RRAGD: variants seen among roughly 807,000 people sequenced by gnomAD.
RRAGD encodes the protein Ras related GTP binding D.
RRAGD carries 12 observed loss-of-function variants against 35.5 expected under a neutral mutation model. That is an observed-to-expected ratio of 0.34 (90% CI 0.22 to 0.55). The LOEUF (loss-of-function observed/expected upper bound fraction) is 0.55. Among genes scored for constraint, RRAGD ranks in the 20% least tolerant of loss-of-function variants. The pLI is 0.91. For missense variants in RRAGD, 324 were observed against 490.1 expected (o/e 0.66, Z 3.20); for synonymous variants, 155 against 178.9 (o/e 0.87, Z 1.07).
intron 3 of RRAGD, 25 bp downstream of exon 3, chr6:89,380,143 A>G: frequency 6.2e-7 from 1 of 1,609,754 alleles, no homozygotes; most frequent in Non-Finnish European, 8.5e-7. Flanking sequence ...CTTTATTGGG[A>G]TCCTTAAGGG....
At chr6:89,373,617 C>CAAA (rs55767009) in intron 5 of RRAGD, among the ~76,000 whole-genome samples, 2 of 65,708 alleles carry the variant, frequency 3.0e-5, no homozygotes, top group Non-Finnish European at 3.7e-5. Flanking sequence ...GACTCCGTCT[C>CAAA]AAAAAAAAAA....
chr6:89,399,614 A>T (rs533858660), intron 1 of RRAGD, among the ~76,000 whole-genome samples: 10 of 152,208 alleles, frequency 6.6e-5, no homozygotes, highest in Admixed American at 2.0e-4. Context: ...TCTACTAAAA[A>T]TATATATTTT....
At position 89,396,728 on chromosome 6, in the gene RRAGD, A is replaced by ATT. The variant is rs1160973684; in HGVS notation, c.149-9140_149-9139dup. Among the ~76,000 whole-genome samples, 96 of 76,402 alleles carry ATT rather than the reference A, an allele frequency of 1.3e-3. 3 individuals are homozygous for ATT. The highest frequency in any genetic ancestry group is 2.6e-3 in the African/African-American group (35 of 13,218). 50.1% of individuals were successfully genotyped at this position (76,402 alleles called of 152,430 possible). ...GCTGCTGCACCCAACCAATGACCCA[A>ATT]TTTTTTTTTTTTTTTTTTTTTTTTT... On this transcript the variant is annotated intron_variant, in intron 1 of 6. Transcript: ENST00000369415.
chr6:89,373,148 T>C (rs1187508069), intron 5 of RRAGD, among the ~76,000 whole-genome samples: 1 of 152,164 alleles, frequency 6.6e-6, no homozygotes, highest in East Asian at 1.9e-4. Flanking sequence ...TCTCAAATGG[T>C]TCACTGAAAA....
At chr6:89,401,060 G>C (rs1218464137) in intron 1 of RRAGD, among the ~76,000 whole-genome samples, 1 of 152,146 alleles carries the variant, frequency 6.6e-6, no homozygotes, top group Non-Finnish European at 1.5e-5. Flanking sequence ...TACCATGCAC[G>C]GCCAGCTAGG....
rs1226083135 is a variant in RRAGD, at chr6:89,365,945, C to T, written c.*2111G>A. ...AAATATTAGAGAATTAGATTTATAACAATAACCCCTAAGTGTCAGGTCTGT... is the reference window on the plus strand; with the variant it reads ...AAATATTAGAGAATTAGATTTATAATAATAACCCCTAAGTGTCAGGTCTGT... On this transcript the variant is annotated 3_prime_UTR_variant, in exon 7 of 7. Coordinates refer to ENST00000369415, the MANE Select transcript of RRAGD (RefSeq NM_021244.5). 2 of 152,130 alleles carry T rather than the reference C, an allele frequency of 1.3e-5. No individual in the cohort carries two copies. The highest frequency in any genetic ancestry group is 2.9e-5 in the Non-Finnish European group (2 of 68,024). 9.4% of individuals were successfully genotyped at this position (152,130 alleles called of 1,614,324 possible). A position where few individuals can be genotyped will look rare whatever the true frequency, so the allele number is the denominator to read the frequency against.
At chr6:89,390,936 A>G (rs1395274164) in intron 1 of RRAGD, among the ~76,000 whole-genome samples, 1 of 152,078 alleles carries the variant, frequency 6.6e-6, no homozygotes, top group Non-Finnish European at 1.5e-5. Flanking sequence ...ATGACCTAGT[A>G]ATTCCACTCC....
chr6:89,382,769 A>T (rs959276441), intron 2 of RRAGD, among the ~76,000 whole-genome samples: 2 of 150,638 alleles, frequency 1.3e-5, no homozygotes, highest in African/African-American at 4.9e-5. Context: ...CCAGCTACTC[A>T]GGAGGCTGAG....
rs547329251 is a variant in RRAGD, at chr6:89,368,373, A to G, written c.1052-166T>C. On this transcript the variant is annotated intron_variant, in intron 6 of 6. Transcript: ENST00000369415. ...CTGCAGCTGGCCTTCAGAAATTGCT[A>G]TAAATCTTTAGGAATTATAGGCAAA... Among the ~76,000 whole-genome samples, 27 of 152,342 alleles carry G rather than the reference A, an allele frequency of 1.8e-4. No individual in the cohort carries two copies. The South Asian group carries it at 5.6e-3, about 32-fold the overall frequency.
chr6:89,368,383 A>C (rs1479724136), intron 6 of RRAGD, among the ~76,000 whole-genome samples, 176 bp from the exon 7 acceptor site: 4 of 152,208 alleles, frequency 2.6e-5, no homozygotes, highest in African/African-American at 7.2e-5. Context: ...ATAAATCTTT[A>C]GGAATTATAG....
At chr6:89,382,390 T>C (rs1263399674) in intron 2 of RRAGD, among the ~76,000 whole-genome samples, 24 of 123,098 alleles carry the variant, frequency 1.9e-4, no homozygotes, top group Non-Finnish European at 1.7e-5. Context: ...GTGAGACCCC[T>C]ATCTCTAGAA....
At chr6:89,370,946 T>C in intron 6 of RRAGD, among the ~76,000 whole-genome samples, 1 of 149,974 alleles carries the variant, frequency 6.7e-6, no homozygotes, top group East Asian at 1.9e-4. Context: ...TAAAAGAATC[T>C]ATTACTTTTC....
At chr6:89,386,242 T>C (rs1196842985) in intron 2 of RRAGD, among the ~76,000 whole-genome samples, 2 of 152,212 alleles carry the variant, frequency 1.3e-5, no homozygotes, top group Non-Finnish European at 2.9e-5. Flanking sequence ...ATGGATAGTT[T>C]GGAAAGCACC....
In RRAGD at chr6:89,379,253, G is replaced by C; in HGVS notation, c.730C>G (p.Leu244Val). The part of the protein sequence containing the change: ...VQKLIPQLPT[L>V]ENLLNIFISN... ...ATAAAGATGTTCAGCAAATTCTCCAGAGTTGGGAGTTGTGGAATCAGTTTC... is the reference window on the plus strand; with the variant it reads ...ATAAAGATGTTCAGCAAATTCTCCACAGTTGGGAGTTGTGGAATCAGTTTC... Residue 244 changes from leucine to valine, a missense_variant, in exon 4 of 7, where the codon CTG becomes GTG. Physicochemically the swap from Leu to Val is conservative, Grantham distance 32 (BLOSUM62 1). Around this residue, in one of 5 missense-constraint regions of RRAGD, gnomAD observed 152 missense variants for 296.9 expected, o/e 0.51. Transcript: ENST00000369415. 6.3e-7 allele frequency: 1 copy of C among 1,597,822 alleles called. No homozygotes were observed. The highest frequency in any genetic ancestry group is 8.6e-7 in the Non-Finnish European group (1 of 1,168,364).
chr6:89,401,291 T>A (rs917452398), intron 1 of RRAGD, among the ~76,000 whole-genome samples: 2 of 151,530 alleles, frequency 1.3e-5, no homozygotes, highest in African/African-American at 2.4e-5. Context: ...AGAGTCTTGC[T>A]CTATTGCCCA....
At chr6:89,382,116 C>A (rs1181926355) in intron 2 of RRAGD, among the ~76,000 whole-genome samples, 3 of 151,972 alleles carry the variant, frequency 2.0e-5, no homozygotes, top group Non-Finnish European at 4.4e-5. Flanking sequence ...AACAGAAAGC[C>A]AATATAATTG....
chr6:89,372,751 A>G (rs1193828091), intron 5 of RRAGD, among the ~76,000 whole-genome samples, 166 bp from the exon 6 acceptor site: 1 of 152,244 alleles, frequency 6.6e-6, no homozygotes, highest in African/African-American at 2.4e-5. Flanking sequence ...GCACAAAAAC[A>G]TACACAGTCC....
rs747525744 is a variant in RRAGD at position 89,411,112 on chromosome 6, A to C, written c.148+734T>G. Among the ~76,000 whole-genome samples, 12 of 152,242 alleles carry C rather than the reference A, an allele frequency of 7.9e-5. No homozygotes were observed. The highest frequency in any genetic ancestry group is 1.5e-4 in the Non-Finnish European group (10 of 68,040). Reference sequence around the variant, plus strand: ...AACGATTGCTAAAACCCGCTTCTAGAACAGGAAAAAGAGTTTGCTTCACTA... The same window carrying C: ...AACGATTGCTAAAACCCGCTTCTAGCACAGGAAAAAGAGTTTGCTTCACTA... On this transcript the variant is annotated intron_variant, in intron 1 of 6. Coordinates refer to ENST00000369415, the MANE Select transcript of RRAGD (RefSeq NM_021244.5). This position sits in a 1 kb window ranked among gnomAD's most constrained non-coding sequence, Gnocchi z 5.6.
At chr6:89,369,508 G>T (rs184628052) in intron 6 of RRAGD, among the ~76,000 whole-genome samples, 72 of 152,274 alleles carry the variant, frequency 4.7e-4, no homozygotes, top group African/African-American at 1.5e-3. Context: ...AGGTGGGAGT[G>T]CAAGGCTCAA....
Sources: gnomAD v4.1 joint callset for allele counts (sites outside exome capture counted in the v4.1 genomes callset) on GRCh38, gnomAD v4.1.1 for gene constraint, gnomAD v4.1.1 regional missense constraint, Gnocchi (gnomAD v3.1) non-coding constraint, MANE v1.5 for transcripts, NCBI Gene and HGNC (gene_info 2026-07-23, HGNC 2026-07-21) for gene names.